Variants in PKP4 observed in about 807,000 individuals in gnomAD.
The protein encoded by PKP4 is plakophilin-4.
In PKP4, 90 loss-of-function variants were observed where a neutral mutation model predicts 145.1. The ratio of observed to expected loss-of-function variants is 0.62; its 90% CI spans 0.52 to 0.74. The LOEUF (loss-of-function observed/expected upper bound fraction) is 0.74. Among genes scored for constraint, PKP4 ranks in the 30% least tolerant of loss-of-function variants. The pLI is 0.00. For synonymous variants in PKP4, 563 were observed against 577.2 expected (o/e 0.98, Z 0.35); for missense variants, 1,340 against 1,482.7 (o/e 0.90, Z 1.58).
chr2:158,536,053 A>G (rs1210999926), intron 2 of PKP4, among the ~76,000 whole-genome samples: 1 of 152,222 alleles, frequency 6.6e-6, no homozygotes, highest in African/African-American at 2.4e-5. Flanking sequence ...TACGATTGTC[A>G]TCATCATTTC....
At chr2:158,502,004 T>G (rs556372608) in intron 1 of PKP4, among the ~76,000 whole-genome samples, 1 of 152,308 alleles carries the variant, frequency 6.6e-6, no homozygotes, top group East Asian at 1.9e-4. Flanking sequence ...ATAAAGTGTG[T>G]TTGATGATGC....
At chr2:158,489,447 G>A (rs996037892) in intron 1 of PKP4, among the ~76,000 whole-genome samples, 6 of 152,170 alleles carry the variant, frequency 3.9e-5, no homozygotes, top group African/African-American at 1.4e-4. Flanking sequence ...TTGGCTGCTT[G>A]TCTTTTGTTC....
chr2:158,470,151 T>C (rs1281865670), intron 1 of PKP4, among the ~76,000 whole-genome samples: 2 of 152,248 alleles, frequency 1.3e-5, no homozygotes, highest in Non-Finnish European at 2.9e-5. Context: ...AATTCTCTCA[T>C]GTAGCAGTAT....
chr2:158,460,209 A>T (rs1222314467), intron 1 of PKP4, among the ~76,000 whole-genome samples: 3 of 152,236 alleles, frequency 2.0e-5, no homozygotes, highest in African/African-American at 7.2e-5. Context: ...TATATACATT[A>T]TTGCAGCAGT....
intron 2 of PKP4, among the ~76,000 whole-genome samples, chr2:158,543,668 C>T (rs6761346): frequency 0.91 from 137,969 of 152,228 alleles, 62,636 homozygotes; most frequent in East Asian, 0.98. Flanking sequence ...CCAGAAATTA[C>T]AATCCTGCAG....
rs373610319 is a variant in PKP4 at position 158,657,258 on chromosome 2, A to G, written c.1910-873A>G. ...TAGGTATCATCTCAAATTTGCTCCA[A>G]TGTCTATGAGAGCAATTATTGGAAA... On this transcript the variant is annotated intron_variant, in intron 11 of 21. Coordinates refer to ENST00000389759, the MANE Select transcript of PKP4 (RefSeq NM_003628.6). 6.6e-5 allele frequency among the ~76,000 whole-genome samples: 10 copies of G among 152,108 alleles called. 1 individual carries two copies. The highest frequency in any genetic ancestry group is 2.2e-4 in the African/African-American group (9 of 41,404).
intron 17 of PKP4, 44 bp downstream of exon 17, chr2:158,669,959 A>G (rs772982188): frequency 7.2e-5 from 108 of 1,493,910 alleles, no homozygotes; most frequent in Non-Finnish European, 9.3e-5. Context: ...CTTATTCCTG[A>G]GATTGTCCTG....
chr2:158,465,819 A>T (rs975638553), intron 1 of PKP4, among the ~76,000 whole-genome samples: 4 of 152,240 alleles, frequency 2.6e-5, no homozygotes, highest in South Asian at 2.1e-4. Context: ...CTGACTAAGG[A>T]ATCACAAAAT....
intron 19 of PKP4, among the ~76,000 whole-genome samples, chr2:158,675,376 C>T (rs2057920165): frequency 6.6e-6 from 1 of 151,596 alleles, no homozygotes; most frequent in South Asian, 2.1e-4. Flanking sequence ...TATGTGTGGC[C>T]CAAGATAATT....
intron 1 of PKP4, among the ~76,000 whole-genome samples, chr2:158,528,683 A>T (rs2043213709): frequency 6.7e-6 from 1 of 149,910 alleles, no homozygotes; most frequent in African/African-American, 2.4e-5. Flanking sequence ...AAAAAAAAAA[A>T]AAAGAGACCT....
At chr2:158,651,363 C>T (rs1266900217) in intron 11 of PKP4, among the ~76,000 whole-genome samples, 1 of 152,086 alleles carries the variant, frequency 6.6e-6, no homozygotes, top group Non-Finnish European at 1.5e-5. Flanking sequence ...ACAGGCACTT[C>T]CCTTCCCTTT....
intron 2 of PKP4, among the ~76,000 whole-genome samples, chr2:158,550,915 T>G (rs1279090800): frequency 6.6e-6 from 1 of 152,242 alleles, no homozygotes; most frequent in African/African-American, 2.4e-5. Flanking sequence ...ACCTGGCCTT[T>G]TAAAGATACA....
chr2:158,655,416 A>C (rs577502751), intron 11 of PKP4, among the ~76,000 whole-genome samples: 1 of 152,258 alleles, frequency 6.6e-6, no homozygotes, highest in Non-Finnish European at 1.5e-5. Flanking sequence ...ACAAAAAAAA[A>C]CAGGTTTTTC....
At chr2:158,670,623 T>C (rs964900662) in intron 17 of PKP4, among the ~76,000 whole-genome samples, 2 of 152,222 alleles carry the variant, frequency 1.3e-5, no homozygotes, top group African/African-American at 4.8e-5. Context: ...CCCTTGTCTC[T>C]CTGCTCCAGG....
At chr2:158,638,106 CTG>C (rs1246542553) in intron 9 of PKP4, among the ~76,000 whole-genome samples, 1 of 152,176 alleles carries the variant, frequency 6.6e-6, no homozygotes, top group Non-Finnish European at 1.5e-5. Context: ...TCCTTGCACT[CTG>C]TTAATTACAA....
chr2:158,506,166 CTG>C (rs1190815225), intron 1 of PKP4, among the ~76,000 whole-genome samples: 1 of 152,178 alleles, frequency 6.6e-6, no homozygotes, highest in African/African-American at 2.4e-5. Context: ...AGAAGCAAGA[CTG>C]TGGACAAGTT....
chr2:158,479,288 A>G (rs901762169), intron 1 of PKP4, among the ~76,000 whole-genome samples: 2 of 151,862 alleles, frequency 1.3e-5, no homozygotes, highest in Non-Finnish European at 2.9e-5. Flanking sequence ...CAGTGGCACA[A>G]TCTTGGCCCA....
chr2:158,502,550 C>T (rs1373466195), intron 1 of PKP4, among the ~76,000 whole-genome samples: 2 of 152,178 alleles, frequency 1.3e-5, no homozygotes, highest in Admixed American at 1.3e-4. Context: ...CTCATCACCC[C>T]TCACCTTCTT....
chr2:158,503,402 C>T (rs1160939146), intron 1 of PKP4, among the ~76,000 whole-genome samples: 1 of 152,194 alleles, frequency 6.6e-6, no homozygotes, highest in African/African-American at 2.4e-5. Context: ...ACAAATACTT[C>T]CATGGCTAAG....
Sources: gnomAD v4.1 joint callset for allele counts (sites outside exome capture counted in the v4.1 genomes callset) on GRCh38, gnomAD v4.1.1 for gene constraint, MANE v1.5 for transcripts, NCBI Gene and HGNC (gene_info 2026-07-23, HGNC 2026-07-21) for gene names.